Variants in ARB2A observed in about 807,000 individuals in gnomAD.
ARB2A encodes cotranscriptional regulator ARB2A.
the ARB2A span, among the ~76,000 whole-genome samples, chr5:93,947,276 C>A: frequency 6.6e-6 from 1 of 152,090 alleles, no homozygotes; most frequent in Non-Finnish European, 1.5e-5. Flanking sequence ...ACAGTGTTTA[C>A]GATTTTCACA....
the ARB2A span, among the ~76,000 whole-genome samples, chr5:93,949,853 C>T: frequency 6.6e-6 from 1 of 152,098 alleles, no homozygotes; most frequent in East Asian, 1.9e-4. Context: ...CTGAGTTAAA[C>T]TTTCAATTAT....
chr5:93,857,456 CTGTTT>C, the ARB2A span, among the ~76,000 whole-genome samples: 11 of 152,278 alleles, frequency 7.2e-5, no homozygotes, highest in South Asian at 2.3e-3. Flanking sequence ...AGCTTCCCGA[CTGTTT>C]TGTTTACCTA....
the ARB2A span, among the ~76,000 whole-genome samples, chr5:93,820,471 A>G: frequency 1.3e-5 from 2 of 152,314 alleles, no homozygotes; most frequent in Middle Eastern, 3.4e-3. Context: ...TTTTAAAATG[A>G]CAGTTAATTT....
the ARB2A span, among the ~76,000 whole-genome samples, chr5:94,069,412 C>G: frequency 6.6e-6 from 1 of 151,956 alleles, no homozygotes; most frequent in Non-Finnish European, 1.5e-5. Context: ...TTTGAGAAAG[C>G]ATTAACAAAA....
chr5:94,076,219 A>G, the ARB2A span, among the ~76,000 whole-genome samples: 6 of 152,226 alleles, frequency 3.9e-5, no homozygotes, highest in Non-Finnish European at 1.5e-5. Flanking sequence ...TATATAGCCA[A>G]TCATTTCTAT....
At chr5:93,894,867 G>GC in the ARB2A span, among the ~76,000 whole-genome samples, 1 of 152,176 alleles carries the variant, frequency 6.6e-6, no homozygotes, top group Admixed American at 6.5e-5. Flanking sequence ...TTAATTTACA[G>GC]CATGGAATAG....
At chr5:94,017,543 C>T in the ARB2A span, among the ~76,000 whole-genome samples, 4 of 152,124 alleles carry the variant, frequency 2.6e-5, no homozygotes, top group African/African-American at 7.2e-5. Flanking sequence ...CTTCCCATAC[C>T]TAGTACTGTA....
chr5:93,809,502 T>G, the ARB2A span, among the ~76,000 whole-genome samples: 1 of 152,090 alleles, frequency 6.6e-6, no homozygotes, highest in Non-Finnish European at 1.5e-5. Context: ...CAGTTTAACC[T>G]AGTAAGATTT....
chr5:93,636,237 C>A, the ARB2A span, among the ~76,000 whole-genome samples: 3 of 152,242 alleles, frequency 2.0e-5, no homozygotes, highest in Middle Eastern at 6.8e-3. Flanking sequence ...GTATAGATTA[C>A]CCCAGTCAGT....
chr5:93,645,576 G>GAAA, the ARB2A span, among the ~76,000 whole-genome samples: 88 of 90,140 alleles, frequency 9.8e-4, no homozygotes, highest in African/African-American at 2.5e-3. Context: ...CCGTCTCAAA[G>GAAA]AAAAAAAAAA....
chr5:94,106,547 T>C, the ARB2A span, among the ~76,000 whole-genome samples: 6 of 152,086 alleles, frequency 3.9e-5, no homozygotes, highest in African/African-American at 1.4e-4. Context: ...TTTCAGCCAC[T>C]GTGGAAAGCA....
chr5:93,837,848 G>A, the ARB2A span, among the ~76,000 whole-genome samples: 4 of 152,110 alleles, frequency 2.6e-5, no homozygotes, highest in Non-Finnish European at 5.9e-5. Flanking sequence ...ACATTTTAAT[G>A]GGGATGTTTG....
the ARB2A span, among the ~76,000 whole-genome samples, chr5:93,886,970 C>G: frequency 2.2e-4 from 34 of 151,728 alleles, 1 homozygote; most frequent in African/African-American, 8.0e-4. Flanking sequence ...AATAAAGTTT[C>G]CAACTTCAAA....
chr5:94,018,397 C>A, the ARB2A span, among the ~76,000 whole-genome samples: 1 of 152,180 alleles, frequency 6.6e-6, no homozygotes, highest in Non-Finnish European at 1.5e-5. Flanking sequence ...AAAGGATTAT[C>A]TGAATTCACT....
At chr5:93,883,765 T>C in the ARB2A span, among the ~76,000 whole-genome samples, 2 of 151,420 alleles carry the variant, frequency 1.3e-5, no homozygotes, top group Admixed American at 6.6e-5. Context: ...CTGTCTCTGG[T>C]GTAAGGAACA....
chr5:93,990,240 C>G, the ARB2A span, among the ~76,000 whole-genome samples: 1 of 152,066 alleles, frequency 6.6e-6, no homozygotes, highest in Non-Finnish European at 1.5e-5. Context: ...GTAGCCTTTG[C>G]TATGCCATCT....
the ARB2A span, among the ~76,000 whole-genome samples, chr5:93,925,458 C>T: frequency 2.0e-5 from 3 of 152,128 alleles, no homozygotes; most frequent in Non-Finnish European, 2.9e-5. Context: ...TAGTGTCTTA[C>T]ATAATGTGTT....
chr5:93,925,517 TG>T, the ARB2A span, among the ~76,000 whole-genome samples: 4 of 152,190 alleles, frequency 2.6e-5, no homozygotes, highest in Non-Finnish European at 4.4e-5. Context: ...GTCCTGGGTA[TG>T]TGGGACAAAG....
the ARB2A span, among the ~76,000 whole-genome samples, chr5:93,746,096 T>C: frequency 9.9e-5 from 15 of 152,196 alleles, no homozygotes; most frequent in South Asian, 2.9e-3. Flanking sequence ...CACTGGAAAC[T>C]ACCTGAAAAT....
Sources: allele counts gnomAD v4.1 joint callset (sites outside exome capture counted in the v4.1 genomes callset), GRCh38; gene constraint gnomAD v4.1.1; transcripts MANE v1.5; gene names NCBI Gene and HGNC (gene_info 2026-07-23, HGNC 2026-07-21).